ZNF385D: variants seen among roughly 807,000 people sequenced by gnomAD.
ZNF385D encodes the protein zinc finger protein 659.
Under a neutral mutation model 35.8 loss-of-function variants are expected in ZNF385D, and 15 were observed. The ratio of observed to expected loss-of-function variants is 0.42; its 90% confidence interval spans 0.28 to 0.64. ZNF385D has a LOEUF of 0.64. Among genes scored for constraint, ZNF385D ranks in the 30% least tolerant of loss-of-function variants. The probability of loss-of-function intolerance (pLI) is 0.23; values close to 1 mark genes in which losing one functional copy is unlikely to be tolerated. For synonymous variants in ZNF385D, 212 were observed against 186.8 expected, an observed-to-expected ratio of 1.13 and a Z score of -1.10; for missense variants, 474 against 494.6, an observed-to-expected ratio of 0.96 and a Z score of 0.39.
At chr3:22,204,343 T>C (rs1365408444) in intron 2 of ZNF385D, among the ~76,000 whole-genome samples, 2 of 151,950 alleles carry the variant, frequency 1.3e-5, no homozygotes, top group African/African-American at 4.8e-5. Context: ...ACTTGTATGA[T>C]AAAAGACAAG....
At chr3:21,988,715 C>A (rs1019723530) in intron 3 of ZNF385D, among the ~76,000 whole-genome samples, 1 of 151,800 alleles carries the variant, frequency 6.6e-6, no homozygotes, top group African/African-American at 2.4e-5. Context: ...AGCTTCCTGG[C>A]TGCTTTGTTT....
intron 1 of ZNF385D, among the ~76,000 whole-genome samples, chr3:21,703,263 C>T (rs931562226): frequency 1.3e-5 from 2 of 152,068 alleles, no homozygotes; most frequent in Admixed American, 1.3e-4. Context: ...AAGTGGAAAC[C>T]CCTGATAAAA....
chr3:21,599,098 A>G (rs1221734066), intron 2 of ZNF385D, among the ~76,000 whole-genome samples: 2 of 152,238 alleles, frequency 1.3e-5, no homozygotes, highest in African/African-American at 4.8e-5. Context: ...AAACTTTTCT[A>G]CAGGAGGTTA....
intron 4 of ZNF385D, among the ~76,000 whole-genome samples, chr3:21,473,695 A>T (rs1297585322): frequency 6.6e-6 from 1 of 152,022 alleles, no homozygotes; most frequent in Non-Finnish European, 1.5e-5. Flanking sequence ...CTAATATGCT[A>T]ATTTTTTCTT....
chr3:22,004,331 A>G (rs1696057236), intron 3 of ZNF385D, among the ~76,000 whole-genome samples: 1 of 152,130 alleles, frequency 6.6e-6, no homozygotes, highest in African/African-American at 2.4e-5. Flanking sequence ...ATAAAATTAG[A>G]AAGAAAACAT....
intron 3 of ZNF385D, among the ~76,000 whole-genome samples, chr3:22,081,753 C>A (rs1335139820): frequency 1.3e-5 from 2 of 152,092 alleles, no homozygotes; most frequent in South Asian, 4.2e-4. Flanking sequence ...GACTCTATTG[C>A]CCCAAAACGC....
At chr3:22,030,505 G>A (rs1697933678) in intron 3 of ZNF385D, among the ~76,000 whole-genome samples, 2 of 150,978 alleles carry the variant, frequency 1.3e-5, no homozygotes, top group Admixed American at 6.6e-5. Flanking sequence ...GAGTGAGAGA[G>A]TGCACAGAGG....
intron 3 of ZNF385D, among the ~76,000 whole-genome samples, chr3:22,065,572 G>A (rs1225483195): frequency 1.1e-4 from 17 of 152,144 alleles, no homozygotes; most frequent in Admixed American, 1.1e-3. Flanking sequence ...CCTTACACAA[G>A]AGGAAATTGG....
intron 2 of ZNF385D, among the ~76,000 whole-genome samples, chr3:22,300,508 A>T (rs528905963): frequency 6.6e-6 from 1 of 151,994 alleles, no homozygotes; most frequent in Non-Finnish European, 1.5e-5. Context: ...GACAACCTAT[A>T]GATGACCACA....
intron 3 of ZNF385D, among the ~76,000 whole-genome samples, chr3:21,806,076 A>G (rs981958272): frequency 2.0e-5 from 3 of 152,146 alleles, no homozygotes; most frequent in Admixed American, 1.3e-4. Context: ...CATGTTAGCT[A>G]AACAGCAAAG....
chr3:22,015,655 TAAC>T (rs771395730), intron 3 of ZNF385D, among the ~76,000 whole-genome samples: 3 of 152,278 alleles, frequency 2.0e-5, no homozygotes, highest in South Asian at 4.1e-4. Context: ...TGTTTGTTTC[TAAC>T]AACAATGGCT....
intron 3 of ZNF385D, among the ~76,000 whole-genome samples, chr3:21,801,663 G>A (rs987103755): frequency 1.2e-4 from 19 of 152,100 alleles, no homozygotes; most frequent in African/African-American, 4.3e-4. Context: ...AATAAAATGG[G>A]AGCTAAACTC....
intron 3 of ZNF385D, among the ~76,000 whole-genome samples, chr3:22,064,729 T>C (rs1699844403): frequency 6.6e-6 from 1 of 152,030 alleles, no homozygotes; most frequent in Admixed American, 6.6e-5. Context: ...ACATGGAACC[T>C]GAAAAAGTGG....
chr3:22,151,495 CA>C (rs2125720240), intron 3 of ZNF385D, among the ~76,000 whole-genome samples: 1 of 152,166 alleles, frequency 6.6e-6, no homozygotes, highest in South Asian at 2.1e-4. Flanking sequence ...GTTCCAAATT[CA>C]CTCAATTTAA....
chr3:22,192,477 C>G (rs539402124), intron 2 of ZNF385D, among the ~76,000 whole-genome samples: 1 of 152,094 alleles, frequency 6.6e-6, no homozygotes, highest in African/African-American at 2.4e-5. Context: ...GTGTGTGACT[C>G]CTCAGGCTAG....
At chr3:21,803,532 C>T (rs1559637533) in intron 3 of ZNF385D, among the ~76,000 whole-genome samples, 1 of 151,962 alleles carries the variant, frequency 6.6e-6, no homozygotes, top group Non-Finnish European at 1.5e-5. Context: ...CACATTTCAG[C>T]TTAATTTTAC....
At chr3:21,719,340 G>C (rs2068444738) in intron 1 of ZNF385D, among the ~76,000 whole-genome samples, 1 of 152,212 alleles carries the variant, frequency 6.6e-6, no homozygotes, top group African/African-American at 2.4e-5. Flanking sequence ...ACATGAGGCA[G>C]AATAAGTAGT....
intron 3 of ZNF385D, among the ~76,000 whole-genome samples, chr3:22,117,055 A>G (rs1284083362): frequency 6.6e-6 from 1 of 152,068 alleles, no homozygotes; most frequent in Non-Finnish European, 1.5e-5. Flanking sequence ...AGGCATGGAA[A>G]GAATTCAAAC....
intron 2 of ZNF385D, among the ~76,000 whole-genome samples, chr3:21,605,630 C>G (rs2064456886): frequency 6.6e-6 from 1 of 152,140 alleles, no homozygotes; most frequent in South Asian, 2.1e-4. Context: ...CTGACTGATT[C>G]CCATGGCATT....
Sources: allele counts gnomAD v4.1 joint callset (sites outside exome capture counted in the v4.1 genomes callset), GRCh38; gene constraint gnomAD v4.1.1; transcripts MANE v1.5; gene names NCBI Gene and HGNC (gene_info 2026-07-23, HGNC 2026-07-21).